Variants in RIMS1 observed in about 807,000 individuals in gnomAD.
The protein encoded by RIMS1 is regulating synaptic membrane exocytosis 1.
In RIMS1, 83 loss-of-function variants were observed where a neutral mutation model predicts 214.1. That is an observed-to-expected ratio of 0.39 (90% CI 0.32 to 0.47). The LOEUF is 0.47. RIMS1 is among the 20% of genes least tolerant of loss of function. RIMS1 has a pLI of 0.99. For synonymous variants in RIMS1, 793 were observed against 786.8 expected, an observed-to-expected ratio of 1.01 and a Z score of -0.13; for missense variants, 2,050 against 2,161.8, an observed-to-expected ratio of 0.95 and a Z score of 1.03.
intron 2 of RIMS1, among the ~76,000 whole-genome samples, chr6:72,052,949 G>T (rs571758532): frequency 6.6e-6 from 1 of 152,294 alleles, no homozygotes; most frequent in Non-Finnish European, 1.5e-5. Context: ...AGTTACACTA[G>T]TTCTACTATG....
intron 2 of RIMS1, among the ~76,000 whole-genome samples, chr6:72,044,478 A>T (rs1226035987): frequency 2.6e-5 from 4 of 151,960 alleles, no homozygotes; most frequent in Non-Finnish European, 4.4e-5. Context: ...TTTATAAAGC[A>T]CATTTTTAAT....
intron 29 of RIMS1, among the ~76,000 whole-genome samples, chr6:72,374,254 C>T (rs1198345667): frequency 1.3e-5 from 2 of 152,178 alleles, no homozygotes; most frequent in African/African-American, 4.8e-5. Context: ...TACCAATTCT[C>T]ACCACCAAAC....
chr6:72,242,543 T>G (rs1047870106), intron 10 of RIMS1, 106 bp downstream of exon 10: 6 of 785,622 alleles, frequency 7.6e-6, no homozygotes, highest in Non-Finnish European at 1.2e-5. Context: ...CATGGATAGT[T>G]TTTGCATCAA....
chr6:72,294,595 A>G (rs1306347172), intron 26 of RIMS1, among the ~76,000 whole-genome samples: 1 of 151,718 alleles, frequency 6.6e-6, no homozygotes, highest in African/African-American at 2.4e-5. Context: ...AGTTATCTAC[A>G]TTACTGATTT....
At chr6:72,159,550 T>G (rs534956920) in intron 4 of RIMS1, among the ~76,000 whole-genome samples, 1 of 141,072 alleles carries the variant, frequency 7.1e-6, no homozygotes. Flanking sequence ...TTAATCCATC[T>G]TGAATTAATT....
At chr6:72,163,605 A>C (rs1187011710) in intron 4 of RIMS1, among the ~76,000 whole-genome samples, 2 of 140,910 alleles carry the variant, frequency 1.4e-5, no homozygotes, top group African/African-American at 4.9e-5. Context: ...TTTAGCAGGC[A>C]AGACCCTCAG....
At chr6:71,940,845 C>A (rs1785861972) in intron 1 of RIMS1, among the ~76,000 whole-genome samples, 1 of 152,012 alleles carries the variant, frequency 6.6e-6, no homozygotes, top group Admixed American at 6.6e-5. Context: ...GGATGGCTCC[C>A]AGGTCCTTGA....
chr6:72,085,337 A>G (rs1479804091), intron 2 of RIMS1, among the ~76,000 whole-genome samples: 7 of 152,192 alleles, frequency 4.6e-5, no homozygotes, highest in African/African-American at 1.2e-4. Flanking sequence ...GAAGCAACCT[A>G]TGTTTAAGCC....
intron 6 of RIMS1, among the ~76,000 whole-genome samples, chr6:72,214,472 G>A (rs540014059): frequency 1.4e-4 from 21 of 152,066 alleles, no homozygotes; most frequent in South Asian, 1.0e-3. Flanking sequence ...GGGAACTCAC[G>A]GTAATTATAC....
At chr6:72,086,957 C>T (rs1202104695) in intron 2 of RIMS1, among the ~76,000 whole-genome samples, 1 of 152,154 alleles carries the variant, frequency 6.6e-6, no homozygotes, top group Non-Finnish European at 1.5e-5. Flanking sequence ...TAATGAGGGC[C>T]TTCATTCACA....
chr6:72,388,505 G>A (rs1049838399), intron 29 of RIMS1, among the ~76,000 whole-genome samples: 1 of 152,162 alleles, frequency 6.6e-6, no homozygotes, highest in Non-Finnish European at 1.5e-5. Flanking sequence ...GCAGGGGAAT[G>A]ATATATTCAG....
chr6:71,912,830 A>G (rs150411818), intron 1 of RIMS1, among the ~76,000 whole-genome samples: 2 of 152,306 alleles, frequency 1.3e-5, no homozygotes, highest in East Asian at 1.9e-4. Context: ...TTTGCTGTCT[A>G]CTGTGAACCC....
chr6:72,101,337 T>A (rs2033531761), intron 4 of RIMS1, among the ~76,000 whole-genome samples: 1 of 151,974 alleles, frequency 6.6e-6, no homozygotes, highest in East Asian at 1.9e-4. Context: ...TTCACTTTGG[T>A]TAGAATGTAT....
chr6:72,251,441 G>A, intron 15 of RIMS1, 73 bp downstream of exon 15: 1 of 1,203,470 alleles, frequency 8.3e-7, no homozygotes, highest in Non-Finnish European at 1.1e-6. Context: ...AATAATTCAA[G>A]ATGTTTTTTT....
chr6:72,129,288 G>A (rs982217707), intron 4 of RIMS1, among the ~76,000 whole-genome samples: 2 of 152,118 alleles, frequency 1.3e-5, no homozygotes, highest in Non-Finnish European at 2.9e-5. Context: ...GTGAATCTGT[G>A]TGTCAAATGG....
At chr6:72,233,471 T>C (rs901131937) in intron 6 of RIMS1, among the ~76,000 whole-genome samples, 1 of 151,246 alleles carries the variant, frequency 6.6e-6, no homozygotes, top group Non-Finnish European at 1.5e-5. Context: ...GGGTATGGAC[T>C]GTCCTTTAAG....
At chr6:72,186,012 A>G (rs888845963) in intron 6 of RIMS1, among the ~76,000 whole-genome samples, 1 of 152,200 alleles carries the variant, frequency 6.6e-6, no homozygotes, top group Non-Finnish European at 1.5e-5. Context: ...TTTCTTTTCT[A>G]TTGCTTACTT....
In RIMS1 at chr6:72,390,591, C is replaced by T. The variant is rs376835803; in HGVS notation, c.4367-7C>T. 1.2e-5 allele frequency: 19 copies of T among 1,609,788 alleles called. No homozygotes were observed. The highest frequency in any genetic ancestry group is 6.7e-5 in the East Asian group (3 of 44,762). On this transcript the variant is annotated splice_region_variant and splice_polypyrimidine_tract_variant and intron_variant, in intron 29 of 33. Transcript: ENST00000521978. ...AACTTAGAGTTTCTTTTACTCTCTCCTGTCAGAGTCGGGCCACAAAAAGTT... is the reference window on the plus strand; with the variant it reads ...AACTTAGAGTTTCTTTTACTCTCTCTTGTCAGAGTCGGGCCACAAAAAGTT...
At chr6:72,090,829 A>T (rs1836018854) in intron 2 of RIMS1, among the ~76,000 whole-genome samples, 1 of 152,210 alleles carries the variant, frequency 6.6e-6, no homozygotes, top group Non-Finnish European at 1.5e-5. Flanking sequence ...AACCTACTAG[A>T]CTAGCAAAAC....
Sources: allele counts gnomAD v4.1 joint callset (sites outside exome capture counted in the v4.1 genomes callset), GRCh38; gene constraint gnomAD v4.1.1; transcripts MANE v1.5; gene names NCBI Gene and HGNC (gene_info 2026-07-23, HGNC 2026-07-21).